TANC1: variants seen among roughly 807,000 people sequenced by gnomAD.
TANC1 encodes tetratricopeptide repeat, ankyrin repeat and coiled-coil containing 1.
A neutral mutation model predicts 149.7 loss-of-function variants in TANC1; 77 were observed. The observed-to-expected ratio is 0.51, with a 90% CI of 0.43 to 0.62. TANC1 has a LOEUF of 0.62. Ranked by LOEUF, TANC1 falls within the 20% of genes least tolerant of loss-of-function variation. The probability of loss-of-function intolerance (pLI) is 0.00; values close to 1 mark genes in which losing one functional copy is unlikely to be tolerated. For missense variants in TANC1, 1,985 were observed against 2,321.8 expected, an observed-to-expected ratio of 0.85 and a Z score of 2.98; for synonymous variants, 854 against 925.0, an observed-to-expected ratio of 0.92 and a Z score of 1.39.
chr2:159,184,896 C>T (rs1204159499), intron 14 of TANC1, among the ~76,000 whole-genome samples: 1 of 152,182 alleles, frequency 6.6e-6, no homozygotes, highest in Non-Finnish European at 1.5e-5. Context: ...TTGATTTCCT[C>T]ATCTCTAACA....
At chr2:159,205,848 T>C (rs2150799046) in intron 19 of TANC1, among the ~76,000 whole-genome samples, 1 of 152,330 alleles carries the variant, frequency 6.6e-6, no homozygotes, top group East Asian at 1.9e-4. Context: ...CGTTTGCCCA[T>C]GGCTTGTTGG....
chr2:159,109,857 G>A (rs576235994), intron 4 of TANC1, among the ~76,000 whole-genome samples: 1 of 152,156 alleles, frequency 6.6e-6, no homozygotes, highest in African/African-American at 2.4e-5. Context: ...GAGTGGTGAC[G>A]CTGGCAATTT....
At chr2:159,128,065 T>A (rs2049663341) in intron 4 of TANC1, among the ~76,000 whole-genome samples, 1 of 152,234 alleles carries the variant, frequency 6.6e-6, no homozygotes, top group Admixed American at 6.5e-5. Context: ...GTGACTTTTG[T>A]GTTTTCTTCA....
chr2:159,198,562 C>A (rs2058029534), intron 18 of TANC1, among the ~76,000 whole-genome samples: 1 of 152,214 alleles, frequency 6.6e-6, no homozygotes. Flanking sequence ...TGTATTTGAA[C>A]AATACTTTGT....
chr2:159,039,140 A>T (rs1164612765), intron 2 of TANC1, among the ~76,000 whole-genome samples: 2 of 151,958 alleles, frequency 1.3e-5, no homozygotes, highest in African/African-American at 2.4e-5. Context: ...ATTTGCATAG[A>T]GGTGTTTATA....
At chr2:159,207,473 G>A (rs896561070) in intron 19 of TANC1, among the ~76,000 whole-genome samples, 27 of 152,142 alleles carry the variant, frequency 1.8e-4, no homozygotes, top group African/African-American at 4.1e-4. Context: ...AGACTGAGGC[G>A]GGTGGATCAC....
At chr2:158,976,915 G>T (rs1471201570) in intron 1 of TANC1, among the ~76,000 whole-genome samples, 1 of 151,916 alleles carries the variant, frequency 6.6e-6, no homozygotes, top group Non-Finnish European at 1.5e-5. Context: ...AATTATGTTT[G>T]GATTTGTATT....
chr2:159,156,687 C>G (rs577204854), intron 7 of TANC1, among the ~76,000 whole-genome samples: 2 of 152,314 alleles, frequency 1.3e-5, no homozygotes, highest in African/African-American at 4.8e-5. Context: ...TACCACTAAT[C>G]GAACTCTTTT....
chr2:159,136,908 A>G (rs943465427), intron 5 of TANC1, among the ~76,000 whole-genome samples: 6 of 152,090 alleles, frequency 3.9e-5, no homozygotes, highest in African/African-American at 1.4e-4. Context: ...TAACAGATAT[A>G]TTCATAGTTG....
At chr2:158,992,958 A>T (rs539424545) in intron 1 of TANC1, among the ~76,000 whole-genome samples, 3,441 of 152,274 alleles carry the variant, frequency 0.023, 53 homozygotes, top group Non-Finnish European at 0.035. Context: ...TCTCCATCAC[A>T]GCCGCGTTAG....
chr2:159,214,737 G>T (rs1290276343), intron 19 of TANC1, among the ~76,000 whole-genome samples: 5 of 152,220 alleles, frequency 3.3e-5, no homozygotes, highest in Non-Finnish European at 7.3e-5. Flanking sequence ...GGCCTGGGGA[G>T]CTGGGAATCA....
intron 2 of TANC1, among the ~76,000 whole-genome samples, chr2:159,014,371 T>TG (rs2038061431): frequency 6.6e-6 from 1 of 152,168 alleles, no homozygotes; most frequent in Admixed American, 6.5e-5. Context: ...GAGAACAGTA[T>TG]GGGGGAAACT....
At chr2:159,068,178 G>T (rs2042831381) in intron 3 of TANC1, among the ~76,000 whole-genome samples, 2 of 152,244 alleles carry the variant, frequency 1.3e-5, no homozygotes, top group African/African-American at 2.4e-5. Flanking sequence ...GATTGTTGGG[G>T]GAAATACTTG....
chr2:159,115,467 C>A (rs1026000253), intron 4 of TANC1, among the ~76,000 whole-genome samples: 6 of 152,008 alleles, frequency 3.9e-5, no homozygotes, highest in African/African-American at 1.4e-4. Flanking sequence ...GTTGTGGTGA[C>A]CTGTTTGTAC....
chr2:159,071,637 T>A (rs1181738724), intron 3 of TANC1, among the ~76,000 whole-genome samples: 1 of 152,238 alleles, frequency 6.6e-6, no homozygotes. Context: ...CATTCCAGGC[T>A]GCAGCCTGGC....
intron 3 of TANC1, among the ~76,000 whole-genome samples, chr2:159,091,826 C>A (rs933413116): frequency 3.3e-5 from 5 of 152,092 alleles, no homozygotes; most frequent in Non-Finnish European, 5.9e-5. Context: ...CATTTATTTT[C>A]AAAATGTTCT....
chr2:159,184,660 A>C (rs1345999807), intron 14 of TANC1, among the ~76,000 whole-genome samples: 1 of 152,154 alleles, frequency 6.6e-6, no homozygotes, highest in Admixed American at 6.5e-5. Flanking sequence ...GGGGGCCTAG[A>C]GCACTAGAGA....
chr2:159,009,081 G>A (rs548711245), intron 2 of TANC1, among the ~76,000 whole-genome samples: 1 of 152,230 alleles, frequency 6.6e-6, no homozygotes, highest in East Asian at 1.9e-4. Context: ...ATAACTAAGA[G>A]CAGGTTGGAA....
chr2:159,052,044 G>A (rs2041514763), intron 2 of TANC1, among the ~76,000 whole-genome samples: 1 of 152,144 alleles, frequency 6.6e-6, no homozygotes, highest in Non-Finnish European at 1.5e-5. Context: ...AGGCAGTGGG[G>A]GCGGGAGAGG....
Sources: allele counts gnomAD v4.1 joint callset (sites outside exome capture counted in the v4.1 genomes callset), GRCh38; gene constraint gnomAD v4.1.1; transcripts MANE v1.5; gene names NCBI Gene and HGNC (gene_info 2026-07-23, HGNC 2026-07-21).